EDARADD: variants seen among roughly 807,000 people sequenced by gnomAD.
EDARADD encodes EDAR associated via death domain.
A neutral mutation model predicts 25.6 loss-of-function variants in EDARADD; 20 were observed. The observed-to-expected ratio is 0.78, with a 90% CI of 0.55 to 1.14. EDARADD has a LOEUF of 1.14. EDARADD is among the 50% of genes most tolerant of loss of function. The pLI is 0.00. For missense variants in EDARADD, 225 were observed against 270.1 expected (o/e 0.83, Z 1.17); for synonymous variants, 86 against 94.4 (o/e 0.91, Z 0.52).
chr1:236,454,376 C>T (rs919209764), intron 4 of EDARADD, among the ~76,000 whole-genome samples: 2 of 152,166 alleles, frequency 1.3e-5, no homozygotes, highest in African/African-American at 4.8e-5. Flanking sequence ...TGGGACACGC[C>T]CCTTTGTCTT....
intron 1 of EDARADD, among the ~76,000 whole-genome samples, chr1:236,406,717 T>C (rs2103006864): frequency 6.6e-6 from 1 of 152,342 alleles, no homozygotes; most frequent in African/African-American, 2.4e-5. Context: ...TGCTATTCCC[T>C]CTGCCTAGAA....
chr1:236,475,395 G>A (rs755722256), intron 5 of EDARADD, among the ~76,000 whole-genome samples: 1 of 152,192 alleles, frequency 6.6e-6, no homozygotes, highest in South Asian at 2.1e-4. Flanking sequence ...GATTCTAAAA[G>A]GCAACTATAG....
rs181615811 is a variant in EDARADD at position 236,441,134 on chromosome 1, G to A, written c.219+13684G>A. Among the ~76,000 whole-genome samples, 7 of 151,662 alleles carry A rather than the reference G, an allele frequency of 4.6e-5. No homozygotes were observed. In the East Asian group the frequency reaches 1.4e-3, roughly 29 times the overall value. On this transcript the variant is annotated intron_variant, in intron 4 of 5. Transcript: ENST00000334232. ...CAGTGAACAAACAAATGATAAGAAA[G>A]CCATTATTCTTATCTTATACTTATC... is the stretch of plus-strand genomic sequence containing the variant.
intron 5 of EDARADD, among the ~76,000 whole-genome samples, chr1:236,472,662 A>ATGC (rs1659389239): frequency 1.3e-5 from 2 of 152,142 alleles, no homozygotes; most frequent in Non-Finnish European, 2.9e-5. Flanking sequence ...TTGGTTATTA[A>ATGC]TGCTTCCCCA....
At chr1:236,414,359 A>G (rs908755364) in intron 3 of EDARADD, 60 bp downstream of exon 3, 59 of 1,356,734 alleles carry the variant, frequency 4.3e-5, no homozygotes, top group Non-Finnish European at 6.1e-5. Flanking sequence ...TGAACAAAGC[A>G]CTAGTCGACC....
At chr1:236,357,855 G>A (rs1572107501) in intron 3 of EDARADD, among the ~76,000 whole-genome samples, 1 of 151,200 alleles carries the variant, frequency 6.6e-6, no homozygotes, top group East Asian at 1.9e-4. Context: ...CACCTTACAA[G>A]GAAAGTAACT....
chr1:236,480,260 T>C (rs543465597), intron 5 of EDARADD, among the ~76,000 whole-genome samples: 2 of 151,850 alleles, frequency 1.3e-5, no homozygotes, highest in African/African-American at 2.4e-5. Flanking sequence ...ATTGTCTTCA[T>C]AGTTACTTAA....
At chr1:236,466,086 T>G (rs1659177382) in intron 4 of EDARADD, among the ~76,000 whole-genome samples, 1 of 152,150 alleles carries the variant, frequency 6.6e-6, no homozygotes, top group Non-Finnish European at 1.5e-5. Flanking sequence ...TACCACAAAA[T>G]CTGTCAAGTT....
intron 4 of EDARADD, among the ~76,000 whole-genome samples, chr1:236,437,182 A>T (rs1322236009): frequency 6.6e-6 from 1 of 152,230 alleles, no homozygotes; most frequent in African/African-American, 2.4e-5. Flanking sequence ...GAAGCTCAGC[A>T]CATATCCCTA....
At chr1:236,363,032 TAA>T (rs1285233959) in intron 3 of EDARADD, among the ~76,000 whole-genome samples, 3 of 109,988 alleles carry the variant, frequency 2.7e-5, no homozygotes, top group Non-Finnish European at 3.6e-5. Flanking sequence ...TATATATATA[TAA>T]AATTTGTGTA....
At chr1:236,362,657 C>A (rs972197654) in intron 3 of EDARADD, among the ~76,000 whole-genome samples, 2 of 152,042 alleles carry the variant, frequency 1.3e-5, no homozygotes, top group African/African-American at 4.8e-5. Flanking sequence ...TCCTTTGCTT[C>A]TTCTAGAAGT....
chr1:236,461,921 C>T (rs1659049086), intron 4 of EDARADD, among the ~76,000 whole-genome samples: 2 of 152,146 alleles, frequency 1.3e-5, no homozygotes, highest in South Asian at 2.1e-4. Flanking sequence ...CCTAAGGGAC[C>T]AGTGGGGGCT....
intron 4 of EDARADD, among the ~76,000 whole-genome samples, chr1:236,448,273 G>A (rs1658618810): frequency 6.6e-6 from 1 of 152,244 alleles, no homozygotes; most frequent in African/African-American, 2.4e-5. Context: ...GAGTGAGGAA[G>A]GCTGGCTTAG....
chr1:236,391,792 C>T (rs1262808908), upstream of EDARADD, among the ~76,000 whole-genome samples: 2 of 152,156 alleles, frequency 1.3e-5, no homozygotes, highest in East Asian at 3.9e-4. Context: ...CAGCACATTT[C>T]TGATCATTGT....
At chr1:236,390,056 G>A (rs1291260577), upstream of EDARADD, among the ~76,000 whole-genome samples, 1 of 152,138 alleles carries the variant, frequency 6.6e-6, no homozygotes, top group Non-Finnish European at 1.5e-5. Context: ...AATATTTTCT[G>A]ATAGGAATGG....
chr1:236,397,928 T>C (rs911733352), intron 1 of EDARADD, among the ~76,000 whole-genome samples: 4 of 152,128 alleles, frequency 2.6e-5, no homozygotes, highest in Non-Finnish European at 5.9e-5. Context: ...CCTATTTCTG[T>C]AATGAAACCA....
intron 3 of EDARADD, among the ~76,000 whole-genome samples, chr1:236,418,110 C>T (rs548454576): frequency 1.3e-5 from 2 of 152,002 alleles, no homozygotes; most frequent in Non-Finnish European, 2.9e-5. Flanking sequence ...CCCACCACCA[C>T]GCCCAGCTAA....
chr1:236,394,106 G>T (rs1667470214), upstream of EDARADD, among the ~76,000 whole-genome samples: 1 of 152,056 alleles, frequency 6.6e-6, no homozygotes. Context: ...AAGCAAACCA[G>T]CTTTATAGCA....
intron 3 of EDARADD, among the ~76,000 whole-genome samples, chr1:236,354,378 T>C (rs1666952678): frequency 6.6e-6 from 1 of 152,158 alleles, no homozygotes; most frequent in South Asian, 2.1e-4. Flanking sequence ...CTCTGTGACC[T>C]TGGACAAATT....
Sources: gnomAD v4.1 joint callset for allele counts (sites outside exome capture counted in the v4.1 genomes callset) on GRCh38, gnomAD v4.1.1 for gene constraint, MANE v1.5 for transcripts, NCBI Gene and HGNC (gene_info 2026-07-23, HGNC 2026-07-21) for gene names.